WNK3: variants seen among roughly 807,000 people sequenced by gnomAD.
WNK3 encodes WNK lysine deficient protein kinase 3.
A neutral mutation model predicts 116.7 loss-of-function variants in WNK3; 18 were observed. The ratio of observed to expected loss-of-function variants is 0.15; its 90% confidence interval spans 0.11 to 0.23. The LOEUF (loss-of-function observed/expected upper bound fraction) is 0.23. Ranked by LOEUF, WNK3 falls within the 10% of genes least tolerant of loss-of-function variation. WNK3 has a pLI of 1.00. For synonymous variants in WNK3, 404 were observed against 469.4 expected, an observed-to-expected ratio of 0.86 and a Z score of 1.80; for missense variants, 993 against 1,323.8, an observed-to-expected ratio of 0.75 and a Z score of 3.88.
At chrX:54,354,584 T>TTA (rs1200415640) in intron 1 of WNK3, among the ~76,000 whole-genome samples, 1 of 111,093 alleles carries the variant, frequency 9.0e-6, no homozygotes, top group Non-Finnish European at 1.9e-5. Flanking sequence ...CATGCTGGGC[T>TTA]TAATAGCTGG....
At chrX:54,309,618 C>T (rs1557169319) in intron 3 of WNK3, among the ~76,000 whole-genome samples, 1 of 111,497 alleles carries the variant, frequency 9.0e-6, no homozygotes. Context: ...CTGCAGCTTC[C>T]GCCTCCCAGG....
At chrX:54,311,268 C>T in exon 3 of WNK3, 1 of 1,206,542 alleles carries the variant, frequency 8.3e-7, no homozygotes, top group Non-Finnish European at 1.1e-6. Context: ...ATCTTTGCTG[C>T]TCAGCTTTGG....
chrX:54,355,133 G>A (rs1272199053), intron 1 of WNK3, among the ~76,000 whole-genome samples: 1 of 111,242 alleles, frequency 9.0e-6, no homozygotes, highest in Non-Finnish European at 1.9e-5. Context: ...TGCCTACTCT[G>A]GTTCTTTGCA....
intron 17 of WNK3, among the ~76,000 whole-genome samples, chrX:54,242,791 C>T (rs1557151878): frequency 1.8e-5 from 2 of 110,956 alleles, no homozygotes. Flanking sequence ...ATATCAAAGA[C>T]GTAATTATAA....
chrX:54,348,512 A>G (rs1557178040), intron 1 of WNK3, among the ~76,000 whole-genome samples: 1 of 111,618 alleles, frequency 9.0e-6, no homozygotes, highest in East Asian at 2.8e-4. Flanking sequence ...TTAAACTTTT[A>G]TTTATTTAAG....
chrX:54,311,093 C>T (rs782629248), intron 3 of WNK3, 26 bp downstream of exon 3: 54 of 1,051,846 alleles, frequency 5.1e-5, no homozygotes, highest in Non-Finnish European at 6.9e-5. Flanking sequence ...AATAAAACTA[C>T]ATTGGCACTA....
At chrX:54,211,571 T>C (rs782450947) in intron 22 of WNK3, among the ~76,000 whole-genome samples, 40 of 110,957 alleles carry the variant, frequency 3.6e-4, no homozygotes, top group Middle Eastern at 4.6e-3. Context: ...TTTGGGAGGC[T>C]GAGGCGGGAG....
chrX:54,193,770 T>G (rs2067420388), exon 24 of WNK3: 2 of 111,486 alleles, frequency 1.8e-5, no homozygotes, highest in Admixed American at 1.9e-4. Context: ...CAAGTTTGAG[T>G]GTTACTATCT....
chrX:54,194,047 T>C (rs1223598745), exon 24 of WNK3: 2 of 111,907 alleles, frequency 1.8e-5, no homozygotes, highest in Non-Finnish European at 3.8e-5. Flanking sequence ...AATGTACTTA[T>C]GCATAATGAC....
At chrX:54,312,302 G>C (rs1390222660) in intron 2 of WNK3, among the ~76,000 whole-genome samples, 1 of 110,806 alleles carries the variant, frequency 9.0e-6, no homozygotes, top group Non-Finnish European at 1.9e-5. Flanking sequence ...CTCCAACCTT[G>C]GTGACGGAGT....
At chrX:54,329,008 A>G (rs2069137072) in intron 2 of WNK3, among the ~76,000 whole-genome samples, 1 of 111,814 alleles carries the variant, frequency 8.9e-6, no homozygotes, top group African/African-American at 3.3e-5. Flanking sequence ...AAAGATTCCA[A>G]TTTGAGAAGT....
intron 1 of WNK3, among the ~76,000 whole-genome samples, chrX:54,340,728 T>A (rs1237956228): frequency 9.0e-6 from 1 of 111,242 alleles, no homozygotes; most frequent in Non-Finnish European, 1.9e-5. Flanking sequence ...AATAAACACA[T>A]AAAAAGTTGT....
At chrX:54,271,149 A>C (rs1329030640) in intron 10 of WNK3, among the ~76,000 whole-genome samples, 1 of 112,035 alleles carries the variant, frequency 8.9e-6, no homozygotes, top group Non-Finnish European at 1.9e-5. Flanking sequence ...TGCCATACCC[A>C]AAGAATTCTG....
chrX:54,266,381 T>C (rs1247510772), intron 10 of WNK3, among the ~76,000 whole-genome samples: 1 of 111,182 alleles, frequency 9.0e-6, no homozygotes, highest in African/African-American at 3.3e-5. Context: ...AGATCTAGTA[T>C]TTAATAGCAC....
intron 23 of WNK3, among the ~76,000 whole-genome samples, chrX:54,201,668 G>T (rs782257228): frequency 1.8e-5 from 2 of 111,604 alleles, no homozygotes; most frequent in East Asian, 5.6e-4. Flanking sequence ...TGTAAATAAG[G>T]TTTTAATGGA....
chrX:54,286,627 C>G (rs782076107), intron 10 of WNK3, among the ~76,000 whole-genome samples: 1 of 111,071 alleles, frequency 9.0e-6, no homozygotes, highest in African/African-American at 3.3e-5. Context: ...TTAATTCAAT[C>G]AAGGGCTGGG....
intron 10 of WNK3, among the ~76,000 whole-genome samples, chrX:54,289,049 G>A (rs2068610513): frequency 8.9e-6 from 1 of 112,073 alleles, no homozygotes; most frequent in African/African-American, 3.2e-5. Flanking sequence ...TAAGCAAGCT[G>A]TTCCATAGGT....
intron 10 of WNK3, among the ~76,000 whole-genome samples, chrX:54,267,562 G>T (rs2068328031): frequency 9.0e-6 from 1 of 110,543 alleles, no homozygotes; most frequent in Admixed American, 9.7e-5. Context: ...GAGGTGGGGG[G>T]ATCACTTGAA....
At chrX:54,294,498 G>A in intron 8 of WNK3, 55 bp downstream of exon 8, 1 of 960,170 alleles carries the variant, frequency 1.0e-6, no homozygotes, top group Non-Finnish European at 1.4e-6. Context: ...AATAAATAAA[G>A]ATTAGAGAAT....
Sources: gnomAD v4.1 joint callset for allele counts (sites outside exome capture counted in the v4.1 genomes callset) on GRCh38, gnomAD v4.1.1 for gene constraint, MANE v1.5 for transcripts, NCBI Gene and HGNC (gene_info 2026-07-23, HGNC 2026-07-21) for gene names.